RPRD2: variants seen among roughly 807,000 people sequenced by gnomAD.
The protein encoded by RPRD2 is regulation of nuclear pre-mRNA domain-containing protein 2.
RPRD2 carries 12 observed loss-of-function variants against 104.4 expected under a neutral mutation model. The observed-to-expected ratio is 0.11, with a 90% CI of 0.07 to 0.19. The LOEUF is 0.19. Among genes scored for constraint, RPRD2 ranks in the 10% least tolerant of loss-of-function variants. The pLI, the probability that RPRD2 is intolerant of heterozygous loss-of-function variation, is 1.00. For synonymous variants in RPRD2, 714 were observed against 684.9 expected, an observed-to-expected ratio of 1.04 and a Z score of -0.66; for missense variants, 1,543 against 1,790.1, an observed-to-expected ratio of 0.86 and a Z score of 2.49.
chr1:150,436,166 T>C lies in RPRD2; in HGVS notation c.336-4757T>C, dbSNP rs1292636214. Among the ~76,000 whole-genome samples, 3 of 152,020 alleles carry C rather than the reference T, an allele frequency of 2.0e-5. No homozygotes were observed. In the South Asian group the frequency reaches 6.2e-4, roughly 32 times the overall value. On this transcript the variant is annotated intron_variant, in intron 2 of 10. Coordinates refer to ENST00000369068, the MANE Select transcript of RPRD2 (RefSeq NM_015203.5). Reference sequence around the variant, plus strand: ...AAAAACACAGATTCTTTACAAAATATTACTGTTCATTGACAATGCACCCAG... The same window carrying C: ...AAAAACACAGATTCTTTACAAAATACTACTGTTCATTGACAATGCACCCAG...
chr1:150,437,294 G>A (rs1265901845), intron 2 of RPRD2, among the ~76,000 whole-genome samples: 7 of 151,856 alleles, frequency 4.6e-5, no homozygotes, highest in Non-Finnish European at 1.0e-4. Context: ...TCAAGAGATC[G>A]AGACCATCCT....
At chr1:150,372,226 A>T (rs782006716) in intron 1 of RPRD2, among the ~76,000 whole-genome samples, 10 of 152,158 alleles carry the variant, frequency 6.6e-5, no homozygotes, top group Non-Finnish European at 1.5e-4. Flanking sequence ...CCTAGTTTCC[A>T]TTCAGTTTTT....
At chr1:150,428,454 CAAAAAA>C (rs34596290) in intron 2 of RPRD2, among the ~76,000 whole-genome samples, 4 of 71,272 alleles carry the variant, frequency 5.6e-5, no homozygotes, top group African/African-American at 9.1e-5. Context: ...GACTCTGTCT[CAAAAAA>C]AAAAAAAAAA....
intron 9 of RPRD2, among the ~76,000 whole-genome samples, chr1:150,463,577 A>G (rs587705451): frequency 6.6e-6 from 1 of 152,152 alleles, no homozygotes; most frequent in South Asian, 2.1e-4. Flanking sequence ...ATCTGTTCAT[A>G]TTTATCTTTT....
intron 1 of RPRD2, among the ~76,000 whole-genome samples, chr1:150,416,081 T>A (rs1490301005): frequency 6.6e-6 from 1 of 152,160 alleles, no homozygotes; most frequent in African/African-American, 2.4e-5. Flanking sequence ...TTCGTATGAT[T>A]TAATTTTTTG....
At chr1:150,405,965 A>T (rs1663440110) in intron 1 of RPRD2, among the ~76,000 whole-genome samples, 1 of 152,182 alleles carries the variant, frequency 6.6e-6, no homozygotes, top group Admixed American at 6.5e-5. Context: ...TTTAATTTGG[A>T]TATGCCAAAG....
intron 10 of RPRD2, among the ~76,000 whole-genome samples, chr1:150,467,168 A>T (rs1367659343): frequency 1.3e-5 from 2 of 152,204 alleles, no homozygotes; most frequent in African/African-American, 2.4e-5. Flanking sequence ...TAAGTGGATC[A>T]TTCAAGCATA....
intron 1 of RPRD2, among the ~76,000 whole-genome samples, chr1:150,391,558 A>G (rs112619292): frequency 6.6e-6 from 1 of 152,248 alleles, no homozygotes; most frequent in Non-Finnish European, 1.5e-5. Flanking sequence ...TGGTAACCAT[A>G]AGAGTAAATC....
rs782192492 is a variant in RPRD2, at chr1:150,364,749, C to T, written c.35C>T (p.Ala12Val). ...AAGGGGGSSKASSSSASSAGA... is the reference protein window; with the variant it reads ...AAGGGGGSSKVSSSSASSAGA... ...GGCGGCGGCGGAGGCAGCAGTAAGG[C>T]CTCCTCCTCGTCGGCCTCTTCGGCA... is the stretch of plus-strand genomic sequence containing the variant. The change falls in exon 1 of 11, where the codon GCC becomes GTC. Residue 12 changes from alanine (A) to valine (V), a missense_variant. Physicochemically the swap from Ala to Val is moderately conservative, Grantham distance 64 (BLOSUM62 0). Transcript: ENST00000369068. The T allele has an allele frequency of 1.3e-5, 21 of 1,595,360 alleles. No individual in the cohort carries two copies. Among genetic ancestry groups the T allele is most frequent in the African/African-American group, 2.7e-5 (2 of 74,654 alleles).
chr1:150,449,620 T>C (rs587706133), intron 7 of RPRD2, among the ~76,000 whole-genome samples: 43 of 152,146 alleles, frequency 2.8e-4, no homozygotes, highest in African/African-American at 1.0e-3. Context: ...AGATTTCACC[T>C]TTTTATAAGG....
chr1:150,454,583 C>A (rs782650803), intron 7 of RPRD2, among the ~76,000 whole-genome samples: 2 of 152,152 alleles, frequency 1.3e-5, no homozygotes, highest in Non-Finnish European at 2.9e-5. Flanking sequence ...CACAGTGGCT[C>A]ACACGTGTAA....
intron 1 of RPRD2, among the ~76,000 whole-genome samples, chr1:150,398,476 G>T (rs1258766064): frequency 1.3e-5 from 2 of 151,750 alleles, no homozygotes; most frequent in Non-Finnish European, 2.9e-5. Flanking sequence ...GATTACAGGC[G>T]TGAGCCACCG....
At chr1:150,435,173 C>G (rs917952342) in intron 2 of RPRD2, among the ~76,000 whole-genome samples, 3 of 152,048 alleles carry the variant, frequency 2.0e-5, no homozygotes, top group Non-Finnish European at 2.9e-5. Flanking sequence ...CATGTAAGAC[C>G]GTGAACTTAA....
intron 1 of RPRD2, among the ~76,000 whole-genome samples, chr1:150,407,987 C>T (rs1663609045): frequency 2.6e-5 from 4 of 152,064 alleles, no homozygotes; most frequent in South Asian, 4.1e-4. Context: ...TGGCTCACTG[C>T]AGCCTTGACC....
At chr1:150,399,555 G>A (rs955392000) in intron 1 of RPRD2, among the ~76,000 whole-genome samples, 18 of 151,984 alleles carry the variant, frequency 1.2e-4, no homozygotes, top group Non-Finnish European at 2.4e-4. Context: ...TCAGGAGTTC[G>A]AGACCAGCCT....
At position 150,417,615 on chromosome 1, in the gene RPRD2, G is replaced by A; in HGVS notation, c.225G>A (p.Leu75=). The stretch of plus-strand genomic sequence containing the variant: ...CTCTAGCTGCATATCCCCACCGTTT[G>A]AATCTCTTTTACCTTGCCAATGATG... ...WLRRSAYPHR[L]NLFYLANDVI... is the part of the protein sequence containing the mutation. The change falls in exon 2 of 11, where the codon TTG becomes TTA. Residue 75 remains leucine, a synonymous_variant. Transcript: ENST00000369068. 6.3e-7 allele frequency: 1 copy of A among 1,580,250 alleles called. No homozygotes were observed. Among genetic ancestry groups the A allele is most frequent in the Non-Finnish European group, 8.6e-7 (1 of 1,158,834 alleles).
intron 8 of RPRD2, among the ~76,000 whole-genome samples, 192 bp from the exon 9 acceptor site, chr1:150,459,868 G>T (rs181202884): frequency 6.6e-6 from 1 of 152,132 alleles, no homozygotes; most frequent in Admixed American, 6.6e-5. Flanking sequence ...CTTTTAAGCA[G>T]ATATTAAAGG....
chr1:150,414,596 A>G (rs781867346), intron 1 of RPRD2, among the ~76,000 whole-genome samples: 16 of 152,158 alleles, frequency 1.1e-4, no homozygotes, highest in Non-Finnish European at 2.4e-4. Flanking sequence ...AGTGGTTAAG[A>G]GAGAAGCCAA....
chr1:150,392,437 G>A (rs906002867), intron 1 of RPRD2, among the ~76,000 whole-genome samples: 12 of 152,086 alleles, frequency 7.9e-5, no homozygotes, highest in South Asian at 2.1e-4. Context: ...CCCAGGAGGC[G>A]AAGGCTGCAG....
Sources: gnomAD v4.1 joint callset for allele counts (sites outside exome capture counted in the v4.1 genomes callset) on GRCh38, gnomAD v4.1.1 for gene constraint, MANE v1.5 for transcripts, NCBI Gene and HGNC (gene_info 2026-07-23, HGNC 2026-07-21) for gene names.